The following SSU72 variants were observed in gnomAD, a reference collection of about 807,000 sequenced individuals.
The protein encoded by SSU72 is SSU72 homolog, RNA polymerase II CTD phosphatase, also known as RNA polymerase II subunit A C-terminal domain phosphatase SSU72.
A neutral mutation model predicts 22.7 loss-of-function variants in SSU72; 12 were observed. The ratio of observed to expected loss-of-function variants is 0.53; its 90% CI spans 0.34 to 0.86. SSU72 has a LOEUF of 0.86. Ranked by LOEUF, SSU72 falls within the 40% of genes least tolerant of loss-of-function variation. SSU72 has a pLI of 0.02. For synonymous variants in SSU72, 116 were observed against 98.3 expected, an observed-to-expected ratio of 1.18 and a Z score of -1.06; for missense variants, 151 against 249.8, an observed-to-expected ratio of 0.60 and a Z score of 2.67.
intron 1 of SSU72, among the ~76,000 whole-genome samples, chr1:1,568,555 G>A (rs1203628845): frequency 6.6e-6 from 1 of 151,772 alleles, no homozygotes; most frequent in Admixed American, 6.6e-5. Context: ...AGTGGGCCCC[G>A]TGATGGTGCC....
intron 2 of SSU72, 136 bp downstream of exon 2, chr1:1,564,637 A>G: frequency 6.2e-7 from 1 of 1,613,962 alleles, no homozygotes; most frequent in Non-Finnish European, 8.5e-7. Context: ...CAGGAATAGA[A>G]ACCAAGCTCT....
At chr1:1,563,137 T>C (rs1642616083) in intron 2 of SSU72, 1 of 152,308 alleles carries the variant, frequency 6.6e-6, no homozygotes, top group African/African-American at 2.4e-5. Context: ...GAAGGTACAG[T>C]GATGGCTAGG....
intron 2 of SSU72, among the ~76,000 whole-genome samples, chr1:1,553,564 A>G (rs980345095): frequency 1.3e-5 from 2 of 150,268 alleles, no homozygotes; most frequent in Admixed American, 6.8e-5. Flanking sequence ...TCATAAGGTC[A>G]GGAGATCGAG....
At chr1:1,570,614 G>A (rs1329576516) in intron 1 of SSU72, among the ~76,000 whole-genome samples, 1 of 152,104 alleles carries the variant, frequency 6.6e-6, no homozygotes, top group Non-Finnish European at 1.5e-5. Flanking sequence ...CCGTTTGACT[G>A]GGGTATTATA....
rs188354328 is a variant in SSU72, at chr1:1,554,368, G to A, written c.225-9366C>T. Reference sequence around the variant, plus strand: ...ACCACTCGGGGGTCCCCACGAAGCTGAGCATGAGGCGGATCCGGCCCATTT... The same window carrying A: ...ACCACTCGGGGGTCCCCACGAAGCTAAGCATGAGGCGGATCCGGCCCATTT... On this transcript the variant is annotated intron_variant, in intron 2 of 4. Coordinates refer to ENST00000291386, the MANE Select transcript of SSU72 (RefSeq NM_014188.3). The surrounding 1 kb of genome is among the most constrained non-coding windows in gnomAD (Gnocchi z 4.1). Among the ~76,000 whole-genome samples, 303 of 152,202 alleles carry A rather than the reference G, an allele frequency of 2.0e-3. No homozygotes were observed. Among genetic ancestry groups the A allele is most frequent in the African/African-American group, 6.8e-3 (284 of 41,524 alleles).
intron 3 of SSU72, 60 bp from the exon 4 acceptor site, chr1:1,544,047 A>C: frequency 7.4e-7 from 1 of 1,355,216 alleles, no homozygotes; most frequent in Non-Finnish European, 1.0e-6. Context: ...CAGGCAGTCA[A>C]TGTGGCTGAG....
intron 1 of SSU72, among the ~76,000 whole-genome samples, chr1:1,573,103 G>A (rs1409656183): frequency 1.3e-5 from 2 of 150,716 alleles, no homozygotes; most frequent in African/African-American, 2.4e-5. Context: ...AGCCTGGCCA[G>A]CATGGTGAAG....
intron 2 of SSU72, 155 bp from the exon 3 acceptor site, chr1:1,545,157 CAGGGGCCTCACTGTCCTAGGAGGT>C: frequency 1.2e-6 from 1 of 835,646 alleles, no homozygotes; most frequent in Non-Finnish European, 1.9e-6. Context: ...CCTGGTGAGG[CAGGGGCCTCACTGTCCTAGGAGGT>C]CCCACAGAAA....
In SSU72 at chr1:1,545,000, T is replaced by C. The variant is rs749849351; in HGVS notation, c.227A>G (p.Tyr76Cys). The part of the protein sequence containing the change: ...NDLLRKDKEL[Y>C]TQNGILHMLD... ...CATATGTAAAATCCCATTCTGTGTATAGCTACACATGGGAGTTAAGGAACG... is the reference window on the plus strand; with the variant it reads ...CATATGTAAAATCCCATTCTGTGTACAGCTACACATGGGAGTTAAGGAACG... Residue 76 changes from tyrosine (Y) to cysteine (C), a missense_variant and splice_region_variant, in exon 3 of 5, where the codon TAT becomes TGT. Physicochemically the swap from Tyr to Cys is radical, Grantham distance 194. Coordinates refer to ENST00000291386, the MANE Select transcript of SSU72 (RefSeq NM_014188.3). 6.2e-7 allele frequency: 1 copy of C among 1,613,628 alleles called. No homozygotes were observed.
rs1370481692 is a variant in SSU72 at position 1,542,249 on chromosome 1, C to A, written c.484-82G>T. 1.5e-6 allele frequency: 2 copies of A among 1,367,426 alleles called. No homozygotes were observed. The highest frequency in any genetic ancestry group is 2.0e-6 in the Non-Finnish European group (2 of 984,914). 84.7% of individuals were successfully genotyped at this position (1,367,426 alleles called of 1,614,324 possible). A position where few individuals can be genotyped will look rare whatever the true frequency, so the allele number is the denominator to read the frequency against. On this transcript the variant is annotated intron_variant, in intron 4 of 4. Transcript: ENST00000291386. This position sits in a 1 kb window ranked among gnomAD's most constrained non-coding sequence, Gnocchi z 4.4. ...TAACACCTGGATCGCCAGGGAAACG[C>A]CAGGCCTGAGCCAGCAGAAACCAGC...
At chr1:1,568,824 C>A (rs1642693230) in intron 1 of SSU72, among the ~76,000 whole-genome samples, 1 of 151,530 alleles carries the variant, frequency 6.6e-6, no homozygotes, top group African/African-American at 2.4e-5. Flanking sequence ...CTTGGGAGGC[C>A]AGGAGTTCAA....
At chr1:1,564,585 T>C in intron 2 of SSU72, 188 bp downstream of exon 2, 2 of 1,605,338 alleles carry the variant, frequency 1.2e-6, no homozygotes, top group Non-Finnish European at 1.7e-6. Flanking sequence ...CCTACTGCCA[T>C]GGGTGGCACT....
intron 1 of SSU72, among the ~76,000 whole-genome samples, chr1:1,569,198 CAAAA>C (rs1207554234): frequency 6.6e-6 from 1 of 151,680 alleles, no homozygotes; most frequent in Non-Finnish European, 1.5e-5. Context: ...AAGAAAAAAA[CAAAA>C]AAACAAAAAC....
chr1:1,569,168 C>T (rs1458508695), intron 1 of SSU72, among the ~76,000 whole-genome samples: 2 of 150,190 alleles, frequency 1.3e-5, no homozygotes, highest in African/African-American at 2.5e-5. Context: ...AATGAGACTC[C>T]GTCTCAAAAA....
At chr1:1,570,928 A>G (rs1345289996) in intron 1 of SSU72, among the ~76,000 whole-genome samples, 1 of 147,940 alleles carries the variant, frequency 6.8e-6, no homozygotes, top group Non-Finnish European at 1.5e-5. Context: ...TGGCCAACAC[A>G]GTCAAACCCC....
rs573942317 is a variant in SSU72, at chr1:1,552,857, C to A, written c.225-7855G>T. Among the ~76,000 whole-genome samples the A allele has an allele frequency of 5.3e-5, 8 of 152,046 alleles. No individual in the cohort carries two copies. The Middle Eastern group carries it at 0.014, about 259-fold the overall frequency. On this transcript the variant is annotated intron_variant, in intron 2 of 4. Transcript: ENST00000291386. ...CCAATATGGCAAAACCCCATCTCTA[C>A]TAAAACTACAAAAATTAGCCAGAAA...
chr1:1,564,379 G>T, intron 2 of SSU72: 2 of 1,237,608 alleles, frequency 1.6e-6, no homozygotes, highest in Non-Finnish European at 2.2e-6. Context: ...GGCTCCATGT[G>T]TATCAGGCAC....
At chr1:1,573,265 C>CAAAA (rs57824669) in intron 1 of SSU72, among the ~76,000 whole-genome samples, 44,453 of 130,920 alleles carry the variant, frequency 0.34, 8,650 homozygotes, top group African/African-American at 0.52. Flanking sequence ...ACTAAAAATA[C>CAAAA]AAAAAAAAAA....
chr1:1,570,745 G>T (rs1046658395), intron 1 of SSU72, among the ~76,000 whole-genome samples: 1 of 152,230 alleles, frequency 6.6e-6, no homozygotes, highest in South Asian at 2.1e-4. Context: ...ATGCATGCGT[G>T]AACACATGGA....
Sources: gnomAD v4.1 joint callset for allele counts (sites outside exome capture counted in the v4.1 genomes callset) on GRCh38, gnomAD v4.1.1 for gene constraint, Gnocchi (gnomAD v3.1) non-coding constraint, MANE v1.5 for transcripts, NCBI Gene and HGNC (gene_info 2026-07-23, HGNC 2026-07-21) for gene names.